ANKRD45: variants seen among roughly 807,000 people sequenced by gnomAD.
ANKRD45 encodes the protein ankyrin repeat domain-containing protein 45.
Under a neutral mutation model 28.1 loss-of-function variants are expected in ANKRD45, and 21 were observed. The observed-to-expected ratio is 0.75, with a 90% CI of 0.53 to 1.08. ANKRD45 has a LOEUF of 1.08. Among genes scored for constraint, ANKRD45 ranks in the 50% least tolerant of loss-of-function variants. The pLI, the probability that ANKRD45 is intolerant of heterozygous loss-of-function variation, is 0.00. For synonymous variants in ANKRD45, 86 were observed against 103.9 expected (o/e 0.83, Z 1.05); for missense variants, 261 against 308.7 (o/e 0.85, Z 1.16).
At chr1:173,680,638 T>C in the ANKRD45 span, among the ~76,000 whole-genome samples, 2 of 152,014 alleles carry the variant, frequency 1.3e-5, no homozygotes, top group African/African-American at 4.8e-5. Context: ...ACTTGAAATA[T>C]AATAAATAAA....
chr1:173,676,281 T>C, the ANKRD45 span, among the ~76,000 whole-genome samples: 90 of 152,332 alleles, frequency 5.9e-4, 2 homozygotes, highest in South Asian at 9.3e-3. Flanking sequence ...CACAAATAGT[T>C]TCCAAATTCT....
intron 2 of ANKRD45, among the ~76,000 whole-genome samples, chr1:173,647,331 T>C (rs1236910397): frequency 6.6e-6 from 1 of 152,162 alleles, no homozygotes; most frequent in African/African-American, 2.4e-5. Context: ...TTCAACATCA[T>C]GGGAGGAAGA....
chr1:173,703,360 C>T, the ANKRD45 span, among the ~76,000 whole-genome samples: 8 of 152,044 alleles, frequency 5.3e-5, no homozygotes, highest in African/African-American at 1.9e-4. Flanking sequence ...CCTGCCACCA[C>T]ACCTGGCTAA....
intron 2 of ANKRD45, chr1:173,657,930 A>T (rs1294705781): frequency 6.6e-6 from 1 of 151,620 alleles, no homozygotes; most frequent in African/African-American, 2.4e-5. Flanking sequence ...TAGAATTTTA[A>T]TTTTAGTTGT....
At chr1:173,699,620 AC>A in the ANKRD45 span, among the ~76,000 whole-genome samples, 2 of 152,080 alleles carry the variant, frequency 1.3e-5, no homozygotes, top group African/African-American at 4.8e-5. Flanking sequence ...AAATTCAACA[AC>A]CCTTCATGCT....
At chr1:173,615,072 G>A (rs1667401350) in intron 5 of ANKRD45, among the ~76,000 whole-genome samples, 1 of 152,096 alleles carries the variant, frequency 6.6e-6, no homozygotes, top group Non-Finnish European at 1.5e-5. Flanking sequence ...ACCCGCCTCA[G>A]CCTCCCAAAG....
At chr1:173,624,134 A>C (rs1357104815) in intron 5 of ANKRD45, among the ~76,000 whole-genome samples, 1 of 152,092 alleles carries the variant, frequency 6.6e-6, no homozygotes, top group East Asian at 1.9e-4. Flanking sequence ...ATAAATATAA[A>C]TATAAATAAA....
chr1:173,700,008 G>A, the ANKRD45 span, among the ~76,000 whole-genome samples: 2 of 152,282 alleles, frequency 1.3e-5, no homozygotes, highest in Admixed American at 6.5e-5. Flanking sequence ...AAAATCACAA[G>A]CATTCCTATA....
intron 2 of ANKRD45, among the ~76,000 whole-genome samples, chr1:173,654,354 G>A (rs1049671980): frequency 3.3e-5 from 5 of 152,096 alleles, no homozygotes; most frequent in African/African-American, 1.2e-4. Flanking sequence ...CTTTACTTAC[G>A]AAGCTTAGTT....
At chr1:173,714,812 C>T in the ANKRD45 span, 2 of 152,350 alleles carry the variant, frequency 1.3e-5, no homozygotes, top group African/African-American at 4.8e-5. Flanking sequence ...GGATAAACAA[C>T]CTCTGAGGTT....
intron 5 of ANKRD45, 120 bp downstream of exon 5, chr1:173,624,667 G>A (rs1667847843): frequency 9.7e-7 from 1 of 1,029,334 alleles, no homozygotes. Context: ...ATTAGTGCTT[G>A]TAACAATGTT....
chr1:173,644,382 TGTTGA>T (rs1264442746), intron 3 of ANKRD45, among the ~76,000 whole-genome samples: 1 of 152,180 alleles, frequency 6.6e-6, no homozygotes, highest in Non-Finnish European at 1.5e-5. Context: ...TTAAATTTTA[TGTTGA>T]GTTATTTATG....
intron 5 of ANKRD45, among the ~76,000 whole-genome samples, chr1:173,620,713 T>G (rs1207321274): frequency 6.6e-5 from 10 of 151,702 alleles, no homozygotes; most frequent in Admixed American, 6.6e-4. Flanking sequence ...CTGCACATTG[T>G]GCACATGTAC....
chr1:173,633,728 T>A (rs1668293478), intron 3 of ANKRD45, among the ~76,000 whole-genome samples: 1 of 151,738 alleles, frequency 6.6e-6, no homozygotes, highest in Non-Finnish European at 1.5e-5. Context: ...GCCAAGAACA[T>A]ACATTGGGGA....
At chr1:173,636,846 T>C in intron 3 of ANKRD45, 1 of 1,535,592 alleles carries the variant, frequency 6.5e-7, no homozygotes, top group Admixed American at 2.0e-5. Flanking sequence ...CAAGCCTCCT[T>C]AGAAAAACCT....
intron 5 of ANKRD45, among the ~76,000 whole-genome samples, chr1:173,613,330 A>G (rs550398073): frequency 1.4e-4 from 21 of 146,926 alleles, no homozygotes; most frequent in Admixed American, 2.7e-4. Context: ...GCCCCGTCTG[A>G]GAAGCGAGGA....
chr1:173,710,402 G>C, the ANKRD45 span, among the ~76,000 whole-genome samples: 2 of 152,194 alleles, frequency 1.3e-5, no homozygotes, highest in African/African-American at 2.4e-5. Context: ...CAGGCAACTT[G>C]AAAACAAGTG....
intron 5 of ANKRD45, among the ~76,000 whole-genome samples, chr1:173,616,115 AT>A (rs1317027516): frequency 6.6e-6 from 1 of 152,062 alleles, no homozygotes; most frequent in Non-Finnish European, 1.5e-5. Flanking sequence ...AAAAAAAAAA[AT>A]AGATTAAATT....
the ANKRD45 span, among the ~76,000 whole-genome samples, chr1:173,688,578 C>CTCTTCCTCTCTCTCTCTCT: frequency 7.5e-4 from 103 of 137,198 alleles, 18 homozygotes; most frequent in African/African-American, 2.4e-3. Context: ...CTCTCTCTGC[C>CTCTTCCTCTCTCTCTCTCT]GCTTCCTCTC....
Sources: allele counts gnomAD v4.1 joint callset (sites outside exome capture counted in the v4.1 genomes callset), GRCh38; gene constraint gnomAD v4.1.1; transcripts MANE v1.5; gene names NCBI Gene and HGNC (gene_info 2026-07-23, HGNC 2026-07-21).